HTT: variants seen among roughly 807,000 people sequenced by gnomAD.
The protein encoded by HTT is huntington disease protein.
In HTT, 104 loss-of-function variants were observed where a neutral mutation model predicts 362.3. That is an observed-to-expected ratio of 0.29 (90% CI 0.24 to 0.34). The LOEUF (loss-of-function observed/expected upper bound fraction) is 0.34, where lower values mean the gene tolerates loss of function less well. Among genes scored for constraint, HTT ranks in the 10% least tolerant of loss-of-function variants. The probability of loss-of-function intolerance (pLI) is 1.00; values close to 1 mark genes in which losing one functional copy is unlikely to be tolerated. For synonymous variants in HTT, 1,577 were observed against 1,548.7 expected, an observed-to-expected ratio of 1.02 and a Z score of -0.43; for missense variants, 3,301 against 3,928.6, an observed-to-expected ratio of 0.84 and a Z score of 4.27.
intron 41 of HTT, among the ~76,000 whole-genome samples, chr4:3,203,596 C>T (rs747997529): frequency 1.3e-5 from 2 of 152,138 alleles, no homozygotes; most frequent in Non-Finnish European, 1.5e-5. Context: ...CATTGGGAAA[C>T]GAACAGTAAA....
chr4:3,117,704 A>G (rs1047826701), intron 8 of HTT, among the ~76,000 whole-genome samples: 1 of 152,040 alleles, frequency 6.6e-6, no homozygotes, highest in Non-Finnish European at 1.5e-5. Context: ...GTGGTGATGC[A>G]TGCCTGTAGT....
At position 3,132,874 on chromosome 4, in the gene HTT, C is replaced by T; in HGVS notation, c.2456C>T (p.Ser819Phe). 1 of 1,614,010 alleles carries T rather than the reference C, an allele frequency of 6.2e-7. No individual in the cohort carries two copies. Among genetic ancestry groups the T allele is most frequent in the Non-Finnish European group, 8.5e-7 (1 of 1,179,832 alleles). ...CTGCGGAAAACACTGAAGGATGAGT[C>T]TTCTGTTACTTGCAAGTTAGCTTGT... ...PLLRKTLKDESSVTCKLACTA... is the reference protein window; with the variant it reads ...PLLRKTLKDEFSVTCKLACTA... The change falls in exon 18 of 67, where the codon TCT becomes TTT. Residue 819 changes from serine (S) to phenylalanine (F), a missense_variant. Physicochemically the swap from Ser to Phe is radical, Grantham distance 155. Transcript: ENST00000355072.
chr4:3,092,352 A>G (rs1000251797), intron 2 of HTT, among the ~76,000 whole-genome samples: 1 of 152,180 alleles, frequency 6.6e-6, no homozygotes, highest in South Asian at 2.1e-4. Context: ...GTTAGTTAAC[A>G]TTCATAGATA....
intron 2 of HTT, among the ~76,000 whole-genome samples, chr4:3,096,899 G>T (rs1713884991): frequency 6.6e-6 from 1 of 152,020 alleles, no homozygotes; most frequent in South Asian, 2.1e-4. Context: ...CAGGTGGATT[G>T]TTTGAGACTG....
rs746178388 is a variant in HTT, at chr4:3,127,173, C to T, written c.1403-91C>T. On this transcript the variant is annotated intron_variant, in intron 11 of 66. Transcript: ENST00000355072. ...GCTGTGCAGCTGAAACATTTGATAA[C>T]GGTGGAACTGTTCGTTATTTTGCAA... The T allele has an allele frequency of 2.8e-4, 254 of 897,088 alleles. 1 individual carries two copies. Among genetic ancestry groups the T allele is most frequent in the East Asian group, 6.0e-4 (24 of 39,680 alleles). The allele number at this position is 897,088 out of a possible 1,614,324, so 55.6% of individuals were successfully genotyped here. A position where few individuals can be genotyped will look rare whatever the true frequency, so the allele number is the denominator to read the frequency against.
At chr4:3,142,722 AT>A (rs757362380) in intron 22 of HTT, 43 bp from the exon 23 acceptor site, 4 of 1,003,744 alleles carry the variant, frequency 4.0e-6, no homozygotes, top group Non-Finnish European at 5.8e-6. Flanking sequence ...TTAAAAATAT[AT>A]GTTTTAATAG....
At chr4:3,136,456 T>C in intron 21 of HTT, 130 bp downstream of exon 21, 1 of 475,312 alleles carries the variant, frequency 2.1e-6, no homozygotes, top group Non-Finnish European at 3.8e-6. Flanking sequence ...TCAGCCATTC[T>C]ATTCTTAAAC....
intron 47 of HTT, 161 bp from the exon 48 acceptor site, chr4:3,211,768 G>A: frequency 1.7e-6 from 1 of 586,196 alleles, no homozygotes; most frequent in Non-Finnish European, 3.0e-6. Flanking sequence ...TTTATAACAG[G>A]CATAGAGTAG....
chr4:3,218,208 T>C lies in HTT; in HGVS notation c.7242+256T>C, dbSNP rs1448363542. Among the ~76,000 whole-genome samples the C allele has an allele frequency of 1.3e-5, 2 of 152,220 alleles. No homozygotes were observed. Among genetic ancestry groups the C allele is most frequent in the African/African-American group, 4.8e-5 (2 of 41,454 alleles). On this transcript the variant is annotated intron_variant, in intron 52 of 66. Coordinates refer to ENST00000355072, the MANE Select transcript of HTT (RefSeq NM_001388492.1). This position sits in a 1 kb window ranked among gnomAD's most constrained non-coding sequence, Gnocchi z 4.4. ...CTAAGAGATTAGTGTTAGACCTGAT[T>C]CTAGAGCAACTAGACCACTTTGCTT...
intron 39 of HTT, 45 bp from the exon 40 acceptor site, chr4:3,188,906 A>G: frequency 6.3e-7 from 1 of 1,590,000 alleles, no homozygotes; most frequent in Non-Finnish European, 8.6e-7. Flanking sequence ...TAAGTGCTTT[A>G]TAGTAGTCAC....
chr4:3,210,064 T>G (rs1720078456), intron 47 of HTT, 115 bp downstream of exon 47: 7 of 1,326,296 alleles, frequency 5.3e-6, no homozygotes, highest in African/African-American at 1.4e-5. Flanking sequence ...GGGACTCCAG[T>G]CTGGGCAGGG....
chr4:3,153,166 CAT>C (rs1235250086), intron 26 of HTT, among the ~76,000 whole-genome samples: 4 of 152,086 alleles, frequency 2.6e-5, no homozygotes, highest in African/African-American at 9.7e-5. Context: ...GCCTTGCCCT[CAT>C]GTGGTGAGGG....
At chr4:3,201,127 A>G (rs901271035) in intron 41 of HTT, among the ~76,000 whole-genome samples, 1 of 152,266 alleles carries the variant, frequency 6.6e-6, no homozygotes, top group African/African-American at 2.4e-5. Context: ...AGGGCAAACT[A>G]CAGCTTTTTG....
chr4:3,103,608 T>C (rs1221476753), intron 3 of HTT, among the ~76,000 whole-genome samples: 1 of 152,242 alleles, frequency 6.6e-6, no homozygotes, highest in Non-Finnish European at 1.5e-5. Flanking sequence ...AAATTGTTTT[T>C]CTTTCCATTT....
rs564829271 is a variant in HTT at position 3,141,651 on chromosome 4, A to G, written c.2945+995A>G. Among the ~76,000 whole-genome samples, 17 of 152,206 alleles carry G rather than the reference A, an allele frequency of 1.1e-4. No homozygotes were observed. The South Asian group carries it at 1.2e-3, about 11-fold the overall frequency. The stretch of plus-strand genomic sequence containing the variant: ...GTGGCGGGCCCCTGTAATCCCAGCT[A>G]CTCGGGAGGCTGAGGGATGAGAATC... On this transcript the variant is annotated intron_variant, in intron 22 of 66. Coordinates refer to ENST00000355072, the MANE Select transcript of HTT (RefSeq NM_001388492.1).
chr4:3,151,258 G>C (rs1317328313), intron 26 of HTT, among the ~76,000 whole-genome samples: 1 of 152,132 alleles, frequency 6.6e-6, no homozygotes, highest in Non-Finnish European at 1.5e-5. Flanking sequence ...ACAGGCTTCT[G>C]TTTCTGGGAA....
At chr4:3,220,129 T>C in intron 52 of HTT, 53 bp from the exon 53 acceptor site, 4 of 1,604,420 alleles carry the variant, frequency 2.5e-6, no homozygotes, top group Non-Finnish European at 3.4e-6. Flanking sequence ...TTCCTCACAG[T>C]ATGTCTGTCC....
At position 3,158,598 on chromosome 4, in the gene HTT, C is replaced by T. The variant is rs363147; in HGVS notation, c.3753+1399C>T. Among the ~76,000 whole-genome samples, 31 of 152,156 alleles carry T rather than the reference C, an allele frequency of 2.0e-4. No individual in the cohort carries two copies. In the South Asian group the frequency reaches 3.1e-3, roughly 15 times the overall value. On this transcript the variant is annotated intron_variant, in intron 28 of 66. Transcript: ENST00000355072. ...CTTGCACATTTCTTGATAAATGAAT[C>T]CTCAGGTATTCCTCTGTTTTTGTTA...
chr4:3,091,708 C>G (rs1485350429), intron 2 of HTT, among the ~76,000 whole-genome samples: 1 of 152,176 alleles, frequency 6.6e-6, no homozygotes, highest in Non-Finnish European at 1.5e-5. Context: ...GTTATAGAAA[C>G]TCAAGCTGAT....
Sources: allele counts gnomAD v4.1 joint callset (sites outside exome capture counted in the v4.1 genomes callset), GRCh38; gene constraint gnomAD v4.1.1; non-coding constraint Gnocchi (gnomAD v3.1); transcripts MANE v1.5; gene names NCBI Gene and HGNC (gene_info 2026-07-23, HGNC 2026-07-21).